SLC35D2: variants seen among roughly 807,000 people sequenced by gnomAD.
SLC35D2 encodes solute carrier family 35 member D2, also known as nucleotide sugar transporter SLC35D2.
Under a neutral mutation model 41.8 loss-of-function variants are expected in SLC35D2, and 43 were observed. The ratio of observed to expected loss-of-function variants is 1.03; its 90% CI spans 0.81 to 1.33. The LOEUF is 1.33. Ranked by LOEUF, SLC35D2 falls within the 40% of genes most tolerant of loss-of-function variation. The probability of loss-of-function intolerance (pLI) is 0.00; values close to 1 mark genes in which losing one functional copy is unlikely to be tolerated. For missense variants in SLC35D2, 380 were observed against 408.4 expected (o/e 0.93, Z 0.60); for synonymous variants, 150 against 163.9 (o/e 0.92, Z 0.65).
chr9:96,360,628 CAA>C (rs906000581), intron 3 of SLC35D2, among the ~76,000 whole-genome samples: 1 of 15,702 alleles, frequency 6.4e-5, no homozygotes, highest in African/African-American at 2.6e-4. Flanking sequence ...GACTTCATCT[CAA>C]AAAAAAAAAA....
At chr9:96,354,590 A>T (rs1291410237) in intron 4 of SLC35D2, among the ~76,000 whole-genome samples, 1 of 152,060 alleles carries the variant, frequency 6.6e-6, no homozygotes, top group Admixed American at 6.6e-5. Flanking sequence ...AACATGGTGA[A>T]ACCCCACTTA....
rs1405954567 is a variant in SLC35D2, at chr9:96,322,097, A to C, written c.832-17T>G. ...GGATACATTCTGCAGAAAAAGAGAG[A>C]GGATTCGTCATTTTAAAAGTAAACT... is the stretch of plus-strand genomic sequence containing the variant. On this transcript the variant is annotated splice_polypyrimidine_tract_variant and intron_variant, in intron 10 of 11. Coordinates refer to ENST00000253270, the MANE Select transcript of SLC35D2 (RefSeq NM_007001.3). 1 of 1,489,672 alleles carries C rather than the reference A, an allele frequency of 6.7e-7. No homozygotes were observed. The highest frequency in any genetic ancestry group is 9.3e-7 in the Non-Finnish European group (1 of 1,075,480). The allele number at this position is 1,489,672 out of a possible 1,614,324, so 92.3% of individuals were successfully genotyped here.
At chr9:96,358,273 A>G (rs1345069609) in intron 4 of SLC35D2, among the ~76,000 whole-genome samples, 1 of 151,804 alleles carries the variant, frequency 6.6e-6, no homozygotes, top group Non-Finnish European at 1.5e-5. Context: ...GCAAATTTGT[A>G]GAGACCTAAA....
rs948475033 is a variant in SLC35D2, at chr9:96,339,113, T to C, written c.685-2329A>G. On this transcript the variant is annotated intron_variant, in intron 8 of 11. Transcript: ENST00000253270. Reference sequence around the variant, plus strand: ...TTAGATTCTTCACCAACCTAAATTTTGTTTTGTTTTTTTTTGAGATGGAGT... The same window carrying C: ...TTAGATTCTTCACCAACCTAAATTTCGTTTTGTTTTTTTTTGAGATGGAGT... 2.0e-5 allele frequency among the ~76,000 whole-genome samples: 3 copies of C among 152,268 alleles called. No individual in the cohort carries two copies. In the South Asian group the frequency reaches 6.2e-4, roughly 32 times the overall value.
At chr9:96,353,942 C>T (rs900397579) in intron 4 of SLC35D2, among the ~76,000 whole-genome samples, 3 of 152,188 alleles carry the variant, frequency 2.0e-5, no homozygotes, top group African/African-American at 7.2e-5. Flanking sequence ...CTCAGCCACC[C>T]ATACCCCAGC....
chr9:96,339,706 C>G (rs1355833830), intron 8 of SLC35D2, among the ~76,000 whole-genome samples: 1 of 151,962 alleles, frequency 6.6e-6, no homozygotes, highest in Non-Finnish European at 1.5e-5. Context: ...GTACTTTGAA[C>G]CTATTGCAGT....
At chr9:96,382,080 T>C (rs1831218338) in intron 1 of SLC35D2, among the ~76,000 whole-genome samples, 1 of 152,210 alleles carries the variant, frequency 6.6e-6, no homozygotes, top group Non-Finnish European at 1.5e-5. Flanking sequence ...GAGGCTTCCC[T>C]GGTGCTTGCA....
chr9:96,372,747 C>T (rs1484934128), intron 1 of SLC35D2, among the ~76,000 whole-genome samples: 1 of 148,404 alleles, frequency 6.7e-6, no homozygotes, highest in East Asian at 2.0e-4. Context: ...ACCACGCCTG[C>T]CTAATTTTTT....
At chr9:96,340,406 C>G (rs941220477) in intron 8 of SLC35D2, among the ~76,000 whole-genome samples, 1 of 151,914 alleles carries the variant, frequency 6.6e-6, no homozygotes, top group Admixed American at 6.6e-5. Context: ...ATCACGAGGT[C>G]AGGAGTTCGA....
At chr9:96,375,123 C>T (rs1249072993) in intron 1 of SLC35D2, among the ~76,000 whole-genome samples, 1 of 150,862 alleles carries the variant, frequency 6.6e-6, no homozygotes, top group East Asian at 2.0e-4. Context: ...TCCCAAGTAG[C>T]TGGGATTACA....
intron 1 of SLC35D2, among the ~76,000 whole-genome samples, chr9:96,378,143 C>T (rs1831033452): frequency 1.3e-5 from 2 of 151,992 alleles, no homozygotes; most frequent in South Asian, 4.2e-4. Context: ...TTGGAAATTA[C>T]TGTGTCTAAA....
chr9:96,371,718 CTTTTTTT>C (rs774105070), intron 1 of SLC35D2, among the ~76,000 whole-genome samples: 13 of 90,588 alleles, frequency 1.4e-4, no homozygotes, highest in Admixed American at 2.3e-4. Context: ...AACTAAATTT[CTTTTTTT>C]TTTTTTTTTT....
At chr9:96,349,431 C>G (rs1276845105) in intron 6 of SLC35D2, among the ~76,000 whole-genome samples, 1 of 152,228 alleles carries the variant, frequency 6.6e-6, no homozygotes. Flanking sequence ...CTGCACCCCA[C>G]TGGGTCACTG....
chr9:96,378,838 A>G (rs921999956), intron 1 of SLC35D2, among the ~76,000 whole-genome samples: 7 of 151,998 alleles, frequency 4.6e-5, no homozygotes, highest in African/African-American at 1.7e-4. Flanking sequence ...CTGAGGTGAG[A>G]GGATCACCTG....
At chr9:96,378,816 C>T (rs1370319343) in intron 1 of SLC35D2, among the ~76,000 whole-genome samples, 4 of 152,054 alleles carry the variant, frequency 2.6e-5, no homozygotes, top group Non-Finnish European at 5.9e-5. Context: ...GTAGTCTCAG[C>T]TACTCAGGAG....
intron 9 of SLC35D2, among the ~76,000 whole-genome samples, chr9:96,333,156 C>T: frequency 6.6e-6 from 1 of 151,490 alleles, no homozygotes; most frequent in East Asian, 2.0e-4. Flanking sequence ...CTCAGCCTCC[C>T]AAAGTGCTGG....
intron 4 of SLC35D2, among the ~76,000 whole-genome samples, chr9:96,352,330 A>AT (rs1311783062): frequency 9.9e-5 from 15 of 151,708 alleles, no homozygotes; most frequent in Non-Finnish European, 2.2e-4. Flanking sequence ...TTATTTATTT[A>AT]TTTTTTTTGG....
intron 2 of SLC35D2, among the ~76,000 whole-genome samples, chr9:96,367,396 A>G (rs1830516793): frequency 6.6e-6 from 1 of 152,176 alleles, no homozygotes; most frequent in African/African-American, 2.4e-5. Flanking sequence ...GTTACTATTT[A>G]TTTATCTGGA....
chr9:96,320,144 G>A (rs931323371), downstream of SLC35D2, among the ~76,000 whole-genome samples: 1 of 152,194 alleles, frequency 6.6e-6, no homozygotes, highest in Non-Finnish European at 1.5e-5. Flanking sequence ...AGCATGTGAG[G>A]AAATGCACCT....
Sources: allele counts gnomAD v4.1 joint callset (sites outside exome capture counted in the v4.1 genomes callset), GRCh38; gene constraint gnomAD v4.1.1; transcripts MANE v1.5; gene names NCBI Gene and HGNC (gene_info 2026-07-23, HGNC 2026-07-21).